The following UNC79 variants were observed in gnomAD, a reference collection of about 807,000 sequenced individuals.
UNC79 encodes unc-79 subunit of NALCN channel complex.
UNC79 carries 37 observed loss-of-function variants against 283.1 expected under a neutral mutation model. That is an observed-to-expected ratio of 0.13 (90% CI 0.10 to 0.17). The LOEUF (loss-of-function observed/expected upper bound fraction) is 0.17. Among genes scored for constraint, UNC79 ranks in the 10% least tolerant of loss-of-function variants. The pLI, the probability that UNC79 is intolerant of heterozygous loss-of-function variation, is 1.00. For synonymous variants in UNC79, 1,107 were observed against 1,200.2 expected, an observed-to-expected ratio of 0.92 and a Z score of 1.61; for missense variants, 2,272 against 3,211.1, an observed-to-expected ratio of 0.71 and a Z score of 7.07.
intron 1 of UNC79, among the ~76,000 whole-genome samples, chr14:93,358,554 T>G (rs1393859429): frequency 6.6e-6 from 1 of 152,162 alleles, no homozygotes; most frequent in Non-Finnish European, 1.5e-5. Context: ...GTGTCTACTG[T>G]TAAAGTGAGG....
chr14:93,660,549 ATATATATATATATATGTGTGTGTGTG>A (rs1187639799), intron 39 of UNC79, among the ~76,000 whole-genome samples: 13 of 118,774 alleles, frequency 1.1e-4, no homozygotes, highest in African/African-American at 2.7e-4. Flanking sequence ...ATATATATAT[ATATATATATATATATGTGTGTGTGTG>A]TGTGTTCATT....
chr14:93,461,349 T>C (rs1227220340), intron 1 of UNC79, among the ~76,000 whole-genome samples: 3 of 152,234 alleles, frequency 2.0e-5, no homozygotes. Flanking sequence ...ACAATCCCAA[T>C]TTTGTTAAGT....
chr14:93,572,619 G>T, intron 15 of UNC79, 74 bp from the exon 16 acceptor site: 2 of 1,581,594 alleles, frequency 1.3e-6, no homozygotes, highest in Non-Finnish European at 1.7e-6. Context: ...GGAATAGTTA[G>T]AAAGACGGTG....
At chr14:93,414,513 C>CT (rs1392479073) in intron 1 of UNC79, among the ~76,000 whole-genome samples, 1 of 152,114 alleles carries the variant, frequency 6.6e-6, no homozygotes. Context: ...AATGCGGGCT[C>CT]TTTTTTGGTG....
intron 1 of UNC79, among the ~76,000 whole-genome samples, chr14:93,392,757 T>G (rs2054909837): frequency 6.7e-6 from 1 of 150,348 alleles, no homozygotes; most frequent in Admixed American, 6.6e-5. Context: ...GGATGAGTGA[T>G]TACCCAAATC....
intron 1 of UNC79, among the ~76,000 whole-genome samples, chr14:93,385,934 C>G (rs2054765578): frequency 6.6e-6 from 1 of 152,132 alleles, no homozygotes; most frequent in Admixed American, 6.5e-5. Flanking sequence ...ATGATTTGAC[C>G]TCTTCCTTTC....
chr14:93,585,206 A>C (rs2141830822), intron 20 of UNC79, among the ~76,000 whole-genome samples: 1 of 152,258 alleles, frequency 6.6e-6, no homozygotes, highest in Non-Finnish European at 1.5e-5. Flanking sequence ...TTCCAAGACC[A>C]GGGTTCCCTG....
chr14:93,477,612 A>T, exon 4 of UNC79: 1 of 1,611,772 alleles, frequency 6.2e-7, no homozygotes, highest in Non-Finnish European at 8.5e-7. Flanking sequence ...TTTCTCAATG[A>T]TGATATTCTG....
intron 1 of UNC79, among the ~76,000 whole-genome samples, chr14:93,460,996 T>C (rs1464186953): frequency 1.3e-5 from 2 of 152,170 alleles, no homozygotes; most frequent in Non-Finnish European, 2.9e-5. Context: ...AAGGAAATTA[T>C]AAAACCATTA....
chr14:93,396,228 CTCTT>C (rs1248127550), intron 1 of UNC79, among the ~76,000 whole-genome samples: 9 of 148,830 alleles, frequency 6.0e-5, no homozygotes, highest in Admixed American at 2.7e-4. Flanking sequence ...CAGAATTTTT[CTCTT>C]TGTTTTTTTT....
chr14:93,469,444 A>G (rs1287327102), intron 2 of UNC79, among the ~76,000 whole-genome samples: 1 of 152,190 alleles, frequency 6.6e-6, no homozygotes, highest in East Asian at 1.9e-4. Flanking sequence ...ATGTACATCT[A>G]TAACAATCGT....
intron 1 of UNC79, among the ~76,000 whole-genome samples, chr14:93,462,788 G>C (rs1446994238): frequency 6.6e-6 from 1 of 152,196 alleles, no homozygotes; most frequent in Non-Finnish European, 1.5e-5. Context: ...GACTTGGTGG[G>C]TTACACAGAT....
intron 40 of UNC79, among the ~76,000 whole-genome samples, chr14:93,670,690 A>T (rs1389430286): frequency 6.6e-6 from 1 of 152,170 alleles, no homozygotes; most frequent in Non-Finnish European, 1.5e-5. Context: ...ACCATTGGTG[A>T]TCAATCCAGC....
In UNC79 at chr14:93,617,431, A is replaced by C; in HGVS notation, c.4224+127A>C. On this transcript the variant is annotated intron_variant, in intron 28 of 48. Transcript: ENST00000555664. This position sits in a 1 kb window ranked among gnomAD's most constrained non-coding sequence, Gnocchi z 4.5. ...TTTGACCTTCAGAAGGAAGATCAGG[A>C]TATGCAATTACTGTTAAGAACCAAA... is the stretch of plus-strand genomic sequence containing the variant. The C allele has an allele frequency of 1.0e-6, 1 of 986,072 alleles. No homozygotes were observed. The highest frequency in any genetic ancestry group is 1.5e-6 in the Non-Finnish European group (1 of 685,072). 61.1% of individuals were successfully genotyped at this position (986,072 alleles called of 1,614,324 possible).
At chr14:93,662,760 CA>C in intron 40 of UNC79, 46 bp downstream of exon 43, 1 of 1,432,402 alleles carries the variant, frequency 7.0e-7, no homozygotes, top group Non-Finnish European at 9.7e-7. Context: ...TGAAAACTGG[CA>C]GAAATATATT....
rs1160693511 is a variant in UNC79 at position 93,600,512 on chromosome 14, T to C, written c.3373-57T>C. 3.6e-6 allele frequency: 5 copies of C among 1,372,508 alleles called. No homozygotes were observed. The African/African-American group carries it at 5.8e-5, about 16-fold the overall frequency. The allele number at this position is 1,372,508 out of a possible 1,614,324, so 85.0% of individuals were successfully genotyped here. On this transcript the variant is annotated intron_variant, in intron 24 of 48. Transcript: ENST00000555664. ...CCTAGTATATCGGCTTTGAAGTAACTTAGATGTTTATATCTGACTTTCTTC... is the reference window on the plus strand; with the variant it reads ...CCTAGTATATCGGCTTTGAAGTAACCTAGATGTTTATATCTGACTTTCTTC...
chr14:93,487,622 A>G (rs973410611), intron 4 of UNC79, 41 bp from the exon 5 acceptor site: 3 of 1,537,336 alleles, frequency 2.0e-6, no homozygotes, highest in Non-Finnish European at 2.7e-6. Flanking sequence ...AGGTATATGT[A>G]GAGATTAAAT....
chr14:93,374,313 G>T (rs192147209), intron 1 of UNC79, among the ~76,000 whole-genome samples: 24 of 152,314 alleles, frequency 1.6e-4, no homozygotes, highest in African/African-American at 5.5e-4. Context: ...AGCCATAGGG[G>T]TAGAGTTACC....
intron 1 of UNC79, among the ~76,000 whole-genome samples, chr14:93,347,038 A>T (rs1338728801): frequency 6.6e-6 from 1 of 150,674 alleles, no homozygotes; most frequent in Non-Finnish European, 1.5e-5. Flanking sequence ...GGGGCAAAGC[A>T]CGGACTGCTG....
Sources: gnomAD v4.1 joint callset for allele counts (sites outside exome capture counted in the v4.1 genomes callset) on GRCh38, gnomAD v4.1.1 for gene constraint, Gnocchi (gnomAD v3.1) non-coding constraint, MANE v1.5 for transcripts, NCBI Gene and HGNC (gene_info 2026-07-23, HGNC 2026-07-21) for gene names.